Variants in PDE4D observed in about 807,000 individuals in gnomAD.
The protein encoded by PDE4D is 3',5'-cyclic-AMP phosphodiesterase 4D.
PDE4D carries 24 observed loss-of-function variants against 87.4 expected under a neutral mutation model. The ratio of observed to expected loss-of-function variants is 0.27; its 90% CI spans 0.20 to 0.39. The LOEUF (loss-of-function observed/expected upper bound fraction) is 0.39, where lower values mean the gene tolerates loss of function less well. PDE4D is among the 10% of genes least tolerant of loss of function. The probability of loss-of-function intolerance (pLI) is 1.00; values close to 1 mark genes in which losing one functional copy is unlikely to be tolerated. For missense variants in PDE4D, 714 were observed against 1,041.0 expected (o/e 0.69, Z 4.32); for synonymous variants, 384 against 383.2 (o/e 1.00, Z -0.02).
At chr5:59,811,165 G>A (rs969881989) in intron 1 of PDE4D, among the ~76,000 whole-genome samples, 1 of 152,214 alleles carries the variant, frequency 6.6e-6, no homozygotes, top group African/African-American at 2.4e-5. Context: ...AATTTGTCCA[G>A]AATGTCCTGA....
chr5:60,439,901 A>C lies in PDE4D; in HGVS notation c.-90+48041T>G, dbSNP rs1745056116. Among the ~76,000 whole-genome samples, 5 of 146,984 alleles carry C rather than the reference A, an allele frequency of 3.4e-5. No homozygotes were observed. The Admixed American group carries it at 3.4e-4, about 10-fold the overall frequency. The stretch of plus-strand genomic sequence containing the variant: ...TATTCCCCAGCTTAAAACCCTTCAA[A>C]GGCTTTCCATTGTTTAAAAAAAAAA... On this transcript the variant is annotated intron_variant, in intron 1 of 16. Transcript: ENST00000502484.
chr5:59,087,074 C>T (rs1767827932), intron 5 of PDE4D, among the ~76,000 whole-genome samples: 1 of 152,128 alleles, frequency 6.6e-6, no homozygotes, highest in Admixed American at 6.5e-5. Context: ...AAGTTAAATA[C>T]TTTTCTTCAG....
intron 1 of PDE4D, among the ~76,000 whole-genome samples, chr5:59,574,388 C>T (rs947717790): frequency 2.0e-5 from 3 of 150,992 alleles, no homozygotes; most frequent in Non-Finnish European, 2.9e-5. Context: ...GGAAAAGCTG[C>T]GGTTTAAAAA....
intron 1 of PDE4D, among the ~76,000 whole-genome samples, chr5:59,439,357 CAAAA>C (rs3061710): frequency 4.1e-5 from 3 of 72,570 alleles, no homozygotes; most frequent in Admixed American, 1.6e-4. Context: ...AAGACTCTGT[CAAAA>C]AAAAAAAAAA....
At chr5:59,233,179 A>T (rs986293847) in intron 1 of PDE4D, among the ~76,000 whole-genome samples, 6 of 152,182 alleles carry the variant, frequency 3.9e-5, no homozygotes, top group African/African-American at 1.4e-4. Context: ...AATTGAAATT[A>T]TTCCACTACA....
intron 3 of PDE4D, among the ~76,000 whole-genome samples, chr5:59,909,805 C>T (rs1753239397): frequency 6.6e-6 from 1 of 152,072 alleles, no homozygotes; most frequent in Admixed American, 6.5e-5. Flanking sequence ...CTATCCTTGT[C>T]CCCTGTAGAA....
chr5:60,089,452 T>C (rs1774874787), intron 2 of PDE4D, among the ~76,000 whole-genome samples: 1 of 151,824 alleles, frequency 6.6e-6, no homozygotes, highest in African/African-American at 2.4e-5. Context: ...AATTGGTCAA[T>C]GAATAAATTA....
intron 1 of PDE4D, among the ~76,000 whole-genome samples, chr5:59,416,012 C>G (rs752031338): frequency 6.6e-6 from 1 of 152,138 alleles, no homozygotes; most frequent in Non-Finnish European, 1.5e-5. Flanking sequence ...CTCTAAATCT[C>G]TATTTTCGGA....
chr5:59,432,001 A>G (rs1373005866), intron 1 of PDE4D, among the ~76,000 whole-genome samples: 1 of 152,088 alleles, frequency 6.6e-6, no homozygotes, highest in Non-Finnish European at 1.5e-5. Flanking sequence ...TTTCTATTCA[A>G]TAATTTTCTT....
chr5:59,186,012 C>G (rs13177192), intron 3 of PDE4D, among the ~76,000 whole-genome samples: 46,840 of 151,996 alleles, frequency 0.31, 7,705 homozygotes, highest in African/African-American at 0.43. Context: ...AAGTAGCCAA[C>G]GGACTGGAAG....
chr5:59,934,284 A>G (rs1756315327), intron 3 of PDE4D, among the ~76,000 whole-genome samples: 1 of 152,218 alleles, frequency 6.6e-6, no homozygotes, highest in South Asian at 2.1e-4. Context: ...ATAACGAAGT[A>G]AAAGGCATTG....
intron 3 of PDE4D, among the ~76,000 whole-genome samples, chr5:59,924,654 G>A (rs1755045042): frequency 6.6e-6 from 1 of 151,638 alleles, no homozygotes. Context: ...AAGACTTTCT[G>A]AGACAAGCAA....
rs185230036 is a variant in PDE4D at position 60,067,163 on chromosome 5, G to T, written c.43-78446C>A. On this transcript the variant is annotated intron_variant, in intron 2 of 16. Transcript: ENST00000502484. Reference sequence around the variant, plus strand: ...ATTTTCCTCAAGTCTCCTAAACCTAGAAAATATCCTGAGCAGTTCTATATC... The same window carrying T: ...ATTTTCCTCAAGTCTCCTAAACCTATAAAATATCCTGAGCAGTTCTATATC... Among the ~76,000 whole-genome samples, 37 of 152,090 alleles carry T rather than the reference G, an allele frequency of 2.4e-4. 1 individual carries two copies. In the East Asian group the frequency reaches 5.0e-3, roughly 21 times the overall value.
At chr5:59,240,789 CACACACACACACACACACAT>C (rs1757495753) in intron 1 of PDE4D, among the ~76,000 whole-genome samples, 1 of 63,642 alleles carries the variant, frequency 1.6e-5, no homozygotes. Flanking sequence ...AACACACACA[CACACACACACACACACACAT>C]CCCTTTTGGA....
intron 1 of PDE4D, among the ~76,000 whole-genome samples, chr5:59,677,965 T>C (rs569366554): frequency 3.2e-4 from 49 of 152,346 alleles, no homozygotes; most frequent in Non-Finnish European, 6.8e-4. Context: ...TCATTTCTCT[T>C]TGTATGTTCA....
At chr5:59,181,636 G>A (rs1436910083) in intron 4 of PDE4D, among the ~76,000 whole-genome samples, 1 of 148,768 alleles carries the variant, frequency 6.7e-6, no homozygotes, top group African/African-American at 2.5e-5. Flanking sequence ...AACACTTCTT[G>A]TGGATCAGAC....
chr5:60,414,468 T>C (rs1318825488), intron 1 of PDE4D, among the ~76,000 whole-genome samples: 1 of 152,114 alleles, frequency 6.6e-6, no homozygotes, highest in East Asian at 1.9e-4. Context: ...TAAATATACA[T>C]ACACACACAA....
intron 2 of PDE4D, among the ~76,000 whole-genome samples, chr5:60,156,402 T>C (rs895753587): frequency 6.6e-6 from 1 of 152,164 alleles, no homozygotes. Flanking sequence ...TCCCCTAGAG[T>C]GAGCTTTCCT....
At chr5:59,861,450 C>T (rs955134219) in intron 1 of PDE4D, among the ~76,000 whole-genome samples, 1 of 152,134 alleles carries the variant, frequency 6.6e-6, no homozygotes, top group African/African-American at 2.4e-5. Flanking sequence ...TCTACTTCTA[C>T]ACAACATTCT....
Sources: gnomAD v4.1 joint callset for allele counts (sites outside exome capture counted in the v4.1 genomes callset) on GRCh38, gnomAD v4.1.1 for gene constraint, MANE v1.5 for transcripts, NCBI Gene and HGNC (gene_info 2026-07-23, HGNC 2026-07-21) for gene names.